F13A1: variants seen among roughly 807,000 people sequenced by gnomAD.
F13A1 encodes coagulation factor XIII A chain, also known as FSF, A subunit.
In F13A1, 47 loss-of-function variants were observed where a neutral mutation model predicts 80.1. That is an observed-to-expected ratio of 0.59 (90% CI 0.46 to 0.75). F13A1 has a LOEUF of 0.75. Ranked by LOEUF, F13A1 falls within the 30% of genes least tolerant of loss-of-function variation. The probability of loss-of-function intolerance (pLI) is 0.00; values close to 1 mark genes in which losing one functional copy is unlikely to be tolerated. For missense variants in F13A1, 817 were observed against 930.4 expected (o/e 0.88, Z 1.59); for synonymous variants, 349 against 344.9 (o/e 1.01, Z -0.13).
At chr6:6,164,628 C>T (rs770721394) in intron 13 of F13A1, among the ~76,000 whole-genome samples, 7 of 151,794 alleles carry the variant, frequency 4.6e-5, no homozygotes, top group Non-Finnish European at 1.0e-4. Context: ...TCTTATTACT[C>T]TCCTCTCCCC....
At chr6:6,273,034 CT>C (rs147200665) in intron 3 of F13A1, among the ~76,000 whole-genome samples, 2,402 of 152,244 alleles carry the variant, frequency 0.016, 61 homozygotes, top group African/African-American at 0.055. Flanking sequence ...AATGGAGCAG[CT>C]TTTAATAAAC....
chr6:6,199,200 G>T (rs1761347111), intron 8 of F13A1, among the ~76,000 whole-genome samples: 4 of 152,204 alleles, frequency 2.6e-5, no homozygotes, highest in Admixed American at 1.3e-4. Flanking sequence ...TATAAGAACA[G>T]TACTATTGGT....
chr6:6,310,633 T>C (rs975448271), intron 2 of F13A1, among the ~76,000 whole-genome samples: 3 of 152,206 alleles, frequency 2.0e-5, no homozygotes, highest in Middle Eastern at 3.2e-3. Flanking sequence ...CTTGGCAAGT[T>C]ACATAAATGT....
chr6:6,318,685 TC>T lies in F13A1; in HGVS notation c.-18-4del. The T allele has an allele frequency of 2.1e-6, 3 of 1,415,798 alleles. No homozygotes were observed. The highest frequency in any genetic ancestry group is 2.4e-5 in the Admixed American group (1 of 42,080). The allele number at this position is 1,415,798 out of a possible 1,614,324, so 87.7% of individuals were successfully genotyped here. Reference sequence around the variant, plus strand: ...GACATTTTTGACTTTACAAGGTCCTTCAGAAAAAAAAAAAAAAGAAGACAAC... The same window carrying T: ...GACATTTTTGACTTTACAAGGTCCTTAGAAAAAAAAAAAAAAGAAGACAAC... On this transcript the variant is annotated splice_region_variant and splice_polypyrimidine_tract_variant and intron_variant, in intron 1 of 14. Transcript: ENST00000264870.
At chr6:6,299,794 A>C (rs1215849602) in intron 3 of F13A1, among the ~76,000 whole-genome samples, 1 of 148,308 alleles carries the variant, frequency 6.7e-6, no homozygotes, top group African/African-American at 2.6e-5. Context: ...GCTGGTGAGG[A>C]ACTTCATTTC....
rs541613214 is a variant in F13A1, at chr6:6,309,323, G to T, written c.131-3784C>A. On this transcript the variant is annotated intron_variant, in intron 2 of 14. Coordinates refer to ENST00000264870, the MANE Select transcript of F13A1 (RefSeq NM_000129.4). ...ACAAAGGAAGTAAAGAGAACTGAGGGGAGTATCAGGGAGGAGCCCCTAACC... is the reference window on the plus strand; with the variant it reads ...ACAAAGGAAGTAAAGAGAACTGAGGTGAGTATCAGGGAGGAGCCCCTAACC... Among the ~76,000 whole-genome samples the T allele has an allele frequency of 2.0e-5, 3 of 152,184 alleles. No individual in the cohort carries two copies. The East Asian group carries it at 5.8e-4, about 29-fold the overall frequency.
chr6:6,317,088 G>T (rs1398088108), intron 2 of F13A1, among the ~76,000 whole-genome samples: 1 of 152,314 alleles, frequency 6.6e-6, no homozygotes, highest in African/African-American at 2.4e-5. Context: ...CTTTCCGGGG[G>T]CCCAGAGTCT....
chr6:6,259,756 A>G (rs1470667461), intron 4 of F13A1, among the ~76,000 whole-genome samples: 1 of 152,192 alleles, frequency 6.6e-6, no homozygotes, highest in Non-Finnish European at 1.5e-5. Flanking sequence ...GGCTAAGGAT[A>G]TGAGGTCGAA....
At chr6:6,256,932 C>T (rs1757711334) in intron 4 of F13A1, among the ~76,000 whole-genome samples, 1 of 152,286 alleles carries the variant, frequency 6.6e-6, no homozygotes, top group African/African-American at 2.4e-5. Flanking sequence ...AACAGCTAAC[C>T]TACATGGTCT....
chr6:6,261,177 C>T (rs1042411766), intron 4 of F13A1, among the ~76,000 whole-genome samples: 5 of 152,164 alleles, frequency 3.3e-5, no homozygotes, highest in South Asian at 2.1e-4. Context: ...CCATGTTGAT[C>T]AGGCTGATCT....
At chr6:6,228,454 G>A (rs1181612401) in intron 6 of F13A1, among the ~76,000 whole-genome samples, 1 of 152,058 alleles carries the variant, frequency 6.6e-6, no homozygotes, top group Non-Finnish European at 1.5e-5. Flanking sequence ...TAATCAAAAT[G>A]CTGATCTTTT....
intron 10 of F13A1, among the ~76,000 whole-genome samples, chr6:6,192,167 G>C (rs894376132): frequency 6.6e-6 from 1 of 152,206 alleles, no homozygotes; most frequent in African/African-American, 2.4e-5. Context: ...AAATAAACAA[G>C]GGATGAAGTG....
chr6:6,191,633 A>T (rs1761201913), intron 10 of F13A1, among the ~76,000 whole-genome samples: 1 of 152,122 alleles, frequency 6.6e-6, no homozygotes. Flanking sequence ...GTGGCAGAAG[A>T]TATGCTCTTC....
intron 6 of F13A1, among the ~76,000 whole-genome samples, chr6:6,229,572 A>G (rs890424333): frequency 1.3e-5 from 2 of 152,188 alleles, no homozygotes; most frequent in Non-Finnish European, 2.9e-5. Flanking sequence ...AGAGAACCCA[A>G]GGATTTGGAT....
At chr6:6,155,448 G>A (rs536253157) in intron 13 of F13A1, among the ~76,000 whole-genome samples, 1 of 152,214 alleles carries the variant, frequency 6.6e-6, no homozygotes, top group African/African-American at 2.4e-5. Flanking sequence ...TGGGGAGCAG[G>A]GAGAAGGATG....
chr6:6,277,903 C>T (rs1365032891), intron 3 of F13A1, among the ~76,000 whole-genome samples: 1 of 152,194 alleles, frequency 6.6e-6, no homozygotes, highest in Admixed American at 6.5e-5. Flanking sequence ...GTATATTTGG[C>T]CAACCAGCTC....
At chr6:6,224,111 G>A (rs1757238802) in intron 7 of F13A1, among the ~76,000 whole-genome samples, 1 of 152,066 alleles carries the variant, frequency 6.6e-6, no homozygotes, top group South Asian at 2.1e-4. Context: ...AAAACCAGAG[G>A]GGAAACTGGA....
rs1035906001 is a variant in F13A1, at chr6:6,144,611, G to A, written c.*1008C>T. 3.3e-5 allele frequency: 5 copies of A among 152,208 alleles called. No individual in the cohort carries two copies. Among genetic ancestry groups the A allele is most frequent in the African/African-American group, 1.2e-4 (5 of 41,434 alleles). The allele number at this position is 152,208 out of a possible 1,614,324, so 9.4% of individuals were successfully genotyped here. A position where few individuals can be genotyped will look rare whatever the true frequency, so the allele number is the denominator to read the frequency against. Reference sequence around the variant, plus strand: ...TTACCCTTCAGCACCTGAGTGCCAAGCTGAGGTCTCAACATGGGTGATGTG... The same window carrying A: ...TTACCCTTCAGCACCTGAGTGCCAAACTGAGGTCTCAACATGGGTGATGTG... On this transcript the variant is annotated 3_prime_UTR_variant, in exon 15 of 15. Transcript: ENST00000264870.
chr6:6,181,269 C>G (rs998012388), intron 11 of F13A1, among the ~76,000 whole-genome samples: 2 of 152,152 alleles, frequency 1.3e-5, no homozygotes, highest in African/African-American at 2.4e-5. Context: ...TCCAAAGACC[C>G]CTCTGCACAA....
Sources: gnomAD v4.1 joint callset for allele counts (sites outside exome capture counted in the v4.1 genomes callset) on GRCh38, gnomAD v4.1.1 for gene constraint, MANE v1.5 for transcripts, NCBI Gene and HGNC (gene_info 2026-07-23, HGNC 2026-07-21) for gene names.